The following CARS2 variants were observed in gnomAD, a reference collection of about 807,000 sequenced individuals.
The protein encoded by CARS2 is probable cysteine--tRNA ligase, mitochondrial.
In CARS2, 52 loss-of-function variants were observed where a neutral mutation model predicts 68.8. The observed-to-expected ratio is 0.76, with a 90% confidence interval of 0.61 to 0.95. The LOEUF (loss-of-function observed/expected upper bound fraction) is 0.95, where lower values mean the gene tolerates loss of function less well. Ranked by LOEUF, CARS2 falls within the 40% of genes least tolerant of loss-of-function variation. CARS2 has a pLI of 0.00. For synonymous variants in CARS2, 314 were observed against 303.6 expected, an observed-to-expected ratio of 1.03 and a Z score of -0.36; for missense variants, 780 against 754.2, an observed-to-expected ratio of 1.03 and a Z score of -0.40.
intron 9 of CARS2, 91 bp downstream of exon 9, chr13:110,663,360 G>T: frequency 7.7e-7 from 1 of 1,298,132 alleles, no homozygotes. Flanking sequence ...CTGGGAATGG[G>T]ATTCCGTGGT....
chr13:110,642,055 G>C (rs1887403082), intron 14 of CARS2, among the ~76,000 whole-genome samples: 1 of 152,132 alleles, frequency 6.6e-6, no homozygotes, highest in South Asian at 2.1e-4. Flanking sequence ...TAAAAAATCA[G>C]CCGAGCATGG....
In CARS2 at chr13:110,653,455, T is replaced by C. The variant is rs1276030101; in HGVS notation, c.988-2355A>G. Among the ~76,000 whole-genome samples the C allele has an allele frequency of 2.6e-5, 4 of 152,186 alleles. No homozygotes were observed. Among genetic ancestry groups the C allele is most frequent in the African/African-American group, 4.8e-5 (2 of 41,444 alleles). Reference sequence around the variant, plus strand: ...CATGTCCTGCCGGTTTCAGTTCAGGTTGCGCCCTATTTAGGTCTCCGGGTT... The same window carrying C: ...CATGTCCTGCCGGTTTCAGTTCAGGCTGCGCCCTATTTAGGTCTCCGGGTT... On this transcript the variant is annotated intron_variant, in intron 9 of 14. Transcript: ENST00000257347. The surrounding 1 kb of genome is among the most constrained non-coding windows in gnomAD (Gnocchi z 5.6).
At chr13:110,713,378 C>T (rs2064061706) in exon 1 of CARS2, 1 of 1,044,140 alleles carries the variant, frequency 9.6e-7, no homozygotes, top group South Asian at 4.0e-5. Flanking sequence ...CGCTCCCCTG[C>T]GTTTCCCAGC....
intron 8 of CARS2, chr13:110,663,745 G>A (rs896952314): frequency 5.5e-6 from 7 of 1,282,988 alleles, no homozygotes; most frequent in Non-Finnish European, 6.9e-6. Context: ...CACACTGAGA[G>A]CAGATGGCAG....
chr13:110,713,316 G>A (rs1203458963), exon 1 of CARS2: 1 of 1,167,638 alleles, frequency 8.6e-7, no homozygotes, highest in East Asian at 4.2e-5. Context: ...GGTCTCGGAG[G>A]TTTCTGTCCC....
chr13:110,690,198 A>T (rs1450763130), intron 3 of CARS2, among the ~76,000 whole-genome samples: 1 of 152,210 alleles, frequency 6.6e-6, no homozygotes, highest in Admixed American at 6.5e-5. Flanking sequence ...ACTGCACTCT[A>T]GACTGGGCGA....
At chr13:110,698,590 C>A (rs1309847574) in intron 3 of CARS2, among the ~76,000 whole-genome samples, 1 of 151,688 alleles carries the variant, frequency 6.6e-6, no homozygotes, top group African/African-American at 2.4e-5. Flanking sequence ...GAATGTTTGT[C>A]CCCTCCAAAA....
intron 3 of CARS2, among the ~76,000 whole-genome samples, chr13:110,689,428 G>C (rs1197660398): frequency 6.6e-6 from 1 of 152,226 alleles, no homozygotes; most frequent in Non-Finnish European, 1.5e-5. Context: ...CCAACCATGT[G>C]ACCCTGAGAC....
At chr13:110,699,174 A>ATACAT (rs1180316983) in intron 3 of CARS2, among the ~76,000 whole-genome samples, 6 of 152,200 alleles carry the variant, frequency 3.9e-5, no homozygotes, top group African/African-American at 1.4e-4. Context: ...CCTCCAGCAT[A>ATACAT]GTGAGCAAAT....
Position 110,668,572 on chromosome 13 carries a change from G to A in CARS2, c.786-1099C>T, listed in dbSNP as rs373492819. Among the ~76,000 whole-genome samples the A allele has an allele frequency of 3.3e-5, 5 of 152,096 alleles. No individual in the cohort carries two copies. The highest frequency in any genetic ancestry group is 9.6e-5 in the African/African-American group (4 of 41,524). On this transcript the variant is annotated intron_variant, in intron 7 of 14. Transcript: ENST00000257347. The surrounding 1 kb of genome is among the most constrained non-coding windows in gnomAD (Gnocchi z 4.1). ...AAAAAAAAGATTTTTACATCTTAGT[G>A]ACGGGTCGTCTTAGGGTAACTCTAA...
intron 2 of CARS2, among the ~76,000 whole-genome samples, chr13:110,703,893 G>A (rs2063863448): frequency 6.6e-6 from 1 of 152,230 alleles, no homozygotes; most frequent in South Asian, 2.1e-4. Flanking sequence ...TAACTCCCAA[G>A]GTGACGGTTT....
At position 110,642,362 on chromosome 13, in the gene CARS2, A is replaced by G; in HGVS notation, c.1576T>C (p.Cys526Arg). ...LLERQPLLEACDTLRRGLTAH... is the reference protein window; with the variant it reads ...LLERQPLLEARDTLRRGLTAH... ...GTCAGGCCCCGGCGCAGGGTGTCGC[A>G]TGCTTCCAGCAGGGGCTGCCTTTCT... The change falls in exon 14 of 15, where the codon TGC (cysteine) becomes CGC (arginine). Residue 526 changes from cysteine (C) to arginine (R), a missense_variant. Cys to Arg is a radical substitution (Grantham distance 180, BLOSUM62 -3). Transcript: ENST00000257347. 1 of 1,555,806 alleles carries G rather than the reference A, an allele frequency of 6.4e-7. No individual in the cohort carries two copies. Among genetic ancestry groups the G allele is most frequent in the Middle Eastern group, 1.7e-4 (1 of 5,988 alleles).
rs548292341 is a variant in CARS2, at chr13:110,651,004, G to C, written c.1054+30C>G. On this transcript the variant is annotated intron_variant, in intron 10 of 14. Coordinates refer to ENST00000257347, the MANE Select transcript of CARS2 (RefSeq NM_024537.4). ...AGAATGACTGTCTCCGAGCTGGGGG[G>C]GGAGTCCACTCCACGTGTGCTCGGC... The C allele has an allele frequency of 2.6e-6, 4 of 1,548,324 alleles. No individual in the cohort carries two copies. The South Asian group carries it at 3.4e-5, about 13-fold the overall frequency.
At chr13:110,685,722 G>A (rs1295501952) in intron 5 of CARS2, among the ~76,000 whole-genome samples, 1 of 152,192 alleles carries the variant, frequency 6.6e-6, no homozygotes, top group Non-Finnish European at 1.5e-5. Context: ...TGTGCTGGGT[G>A]AAGGAGAACT....
chr13:110,705,419 T>C lies in CARS2; in HGVS notation c.275+102A>G. 1.3e-6 allele frequency: 1 copy of C among 765,252 alleles called. No homozygotes were observed. The highest frequency in any genetic ancestry group is 1.8e-5 in the South Asian group (1 of 55,644). The allele number at this position is 765,252 out of a possible 1,614,324, so 47.4% of individuals were successfully genotyped here. On this transcript the variant is annotated intron_variant, in intron 2 of 14. Coordinates refer to ENST00000257347, the MANE Select transcript of CARS2 (RefSeq NM_024537.4). The surrounding 1 kb of genome is among the most constrained non-coding windows in gnomAD (Gnocchi z 4.0). ...AATGCCTGGAATGTAGGAATTATTC[T>C]GCATCCCTAAGTTGCCACTTAAGAG...
At chr13:110,692,246 G>C (rs2063491458) in intron 3 of CARS2, among the ~76,000 whole-genome samples, 1 of 151,552 alleles carries the variant, frequency 6.6e-6, no homozygotes, top group South Asian at 2.1e-4. Flanking sequence ...GAGGTGGGTG[G>C]ATCACCTGAG....
chr13:110,689,993 C>T (rs2063411042), intron 3 of CARS2, among the ~76,000 whole-genome samples: 2 of 152,158 alleles, frequency 1.3e-5, no homozygotes, highest in African/African-American at 4.8e-5. Flanking sequence ...CTTTGGGAGG[C>T]CGACGTGGGC....
At chr13:110,680,478 C>T (rs531884702) in intron 6 of CARS2, among the ~76,000 whole-genome samples, 6 of 152,290 alleles carry the variant, frequency 3.9e-5, no homozygotes, top group African/African-American at 9.6e-5. Context: ...CCTCTTTTTG[C>T]AGTGAAGGAT....
At chr13:110,709,182 C>A (rs752264743), upstream of CARS2, among the ~76,000 whole-genome samples, 1 of 151,594 alleles carries the variant, frequency 6.6e-6, no homozygotes, top group Non-Finnish European at 1.5e-5. Context: ...CTCTTTCTCA[C>A]GTCTCCCGGG....
Sources: gnomAD v4.1 joint callset for allele counts (sites outside exome capture counted in the v4.1 genomes callset) on GRCh38, gnomAD v4.1.1 for gene constraint, Gnocchi (gnomAD v3.1) non-coding constraint, MANE v1.5 for transcripts, NCBI Gene and HGNC (gene_info 2026-07-23, HGNC 2026-07-21) for gene names.